Variants in ZCWPW2 observed in about 807,000 individuals in gnomAD.
ZCWPW2 encodes zinc finger CW-type and PWWP domain containing 2, also known as zinc finger CW-type PWWP domain protein 2.
ZCWPW2 carries 45 observed loss-of-function variants against 46.6 expected under a neutral mutation model. The observed-to-expected ratio is 0.96, with a 90% CI of 0.76 to 1.24. ZCWPW2 has a LOEUF of 1.24. Ranked by LOEUF, ZCWPW2 falls within the 50% of genes most tolerant of loss-of-function variation. The pLI is 0.00. For missense variants in ZCWPW2, 429 were observed against 403.9 expected, an observed-to-expected ratio of 1.06 and a Z score of -0.53; for synonymous variants, 152 against 137.1, an observed-to-expected ratio of 1.11 and a Z score of -0.76.
At position 28,390,587 on chromosome 3, in the gene ZCWPW2, T is replaced by C. The variant is rs1212477344; in HGVS notation, c.-44T>C. The C allele has an allele frequency of 4.1e-6, 4 of 985,246 alleles. No individual in the cohort carries two copies. The highest frequency in any genetic ancestry group is 5.2e-4 in the Middle Eastern group (1 of 1,936). The allele number at this position is 985,246 out of a possible 1,614,324, so 61.0% of individuals were successfully genotyped here. ...TTGGAGTCTATTTTCTTCATGGAATTTTGCTAGGAACAAAAGAAAAGTCTA... is the reference window on the plus strand; with the variant it reads ...TTGGAGTCTATTTTCTTCATGGAATCTTGCTAGGAACAAAAGAAAAGTCTA... On this transcript the variant is annotated 5_prime_UTR_variant, in exon 2 of 10. Coordinates refer to ENST00000383768, the MANE Select transcript of ZCWPW2 (RefSeq NM_001040432.4).
intron 4 of ZCWPW2, among the ~76,000 whole-genome samples, chr3:28,466,275 A>T (rs1443242438): frequency 6.6e-6 from 1 of 152,188 alleles, no homozygotes; most frequent in Admixed American, 6.5e-5. Context: ...TGTACACCAA[A>T]CCCACATAAC....
At chr3:28,357,013 A>G (rs577005565) in intron 1 of ZCWPW2, among the ~76,000 whole-genome samples, 1 of 152,336 alleles carries the variant, frequency 6.6e-6, no homozygotes, top group East Asian at 1.9e-4. Flanking sequence ...TTGAAAAAAA[A>G]GAAAAAAATA....
At chr3:28,474,645 G>A (rs949897274) in intron 4 of ZCWPW2, among the ~76,000 whole-genome samples, 4 of 151,370 alleles carry the variant, frequency 2.6e-5, no homozygotes, top group Middle Eastern at 3.4e-3. Context: ...GCGCACATGC[G>A]CATTTGTGTA....
At chr3:28,379,649 A>G (rs1705610010) in intron 1 of ZCWPW2, among the ~76,000 whole-genome samples, 1 of 152,176 alleles carries the variant, frequency 6.6e-6, no homozygotes, top group South Asian at 2.1e-4. Context: ...AACACCAGTC[A>G]TTATTTGAGC....
intron 4 of ZCWPW2, among the ~76,000 whole-genome samples, chr3:28,464,434 G>A (rs1698748402): frequency 6.6e-6 from 1 of 152,000 alleles, no homozygotes; most frequent in South Asian, 2.1e-4. Flanking sequence ...CTAAAAAAAA[G>A]ACATTGTTCC....
chr3:28,502,904 TTATC>T (rs1366601275), intron 6 of ZCWPW2, among the ~76,000 whole-genome samples: 2 of 152,154 alleles, frequency 1.3e-5, no homozygotes, highest in African/African-American at 4.8e-5. Context: ...AAATTGAGGT[TTATC>T]TATCTGTGAT....
chr3:28,387,018 G>T (rs556268709), intron 1 of ZCWPW2, among the ~76,000 whole-genome samples: 1 of 152,148 alleles, frequency 6.6e-6, no homozygotes, highest in Non-Finnish European at 1.5e-5. Flanking sequence ...GTAGACTACC[G>T]AAGGTCCTGT....
chr3:28,519,519 G>C (rs1045600272), intron 8 of ZCWPW2, among the ~76,000 whole-genome samples: 1 of 152,132 alleles, frequency 6.6e-6, no homozygotes, highest in Non-Finnish European at 1.5e-5. Flanking sequence ...AACCTGCTAT[G>C]ATTTTATTTA....
At chr3:28,522,791 T>C (rs1011602616) in intron 9 of ZCWPW2, among the ~76,000 whole-genome samples, 1 of 152,198 alleles carries the variant, frequency 6.6e-6, no homozygotes, top group Non-Finnish European at 1.5e-5. Context: ...TTGTTTTCTA[T>C]GTATGGGTCT....
chr3:28,406,424 T>C (rs1197439499), intron 2 of ZCWPW2, among the ~76,000 whole-genome samples: 1 of 152,176 alleles, frequency 6.6e-6, no homozygotes, highest in East Asian at 1.9e-4. Flanking sequence ...AGTCATAGCA[T>C]GAGAAAACCA....
intron 3 of ZCWPW2, among the ~76,000 whole-genome samples, chr3:28,433,975 A>G (rs1312766921): frequency 1.4e-5 from 2 of 145,376 alleles, no homozygotes; most frequent in African/African-American, 5.1e-5. Context: ...AGTTTCTCTT[A>G]TAATACCCTT....
At chr3:28,409,800 TAAGTA>T (rs1298435763) in intron 2 of ZCWPW2, among the ~76,000 whole-genome samples, 1 of 151,816 alleles carries the variant, frequency 6.6e-6, no homozygotes, top group Non-Finnish European at 1.5e-5. Context: ...AAGGAGAAAA[TAAGTA>T]AAGAAATAGC....
At chr3:28,485,760 A>G (rs146630681) in intron 5 of ZCWPW2, among the ~76,000 whole-genome samples, 3 of 152,078 alleles carry the variant, frequency 2.0e-5, no homozygotes, top group Non-Finnish European at 4.4e-5. Context: ...TAATTCATCC[A>G]TCTGGGCCAT....
At position 28,525,129 on chromosome 3, in the gene ZCWPW2, A is replaced by T. The variant is rs1336276231; in HGVS notation, c.*441A>T. ...ATCAAACTATTACAAAATAAAAGGA[A>T]ATAATTTTTTAAATAATTGTTTAAT... On this transcript the variant is annotated 3_prime_UTR_variant, in exon 10 of 10. Transcript: ENST00000383768. 1 of 152,204 alleles carries T rather than the reference A, an allele frequency of 6.6e-6. No homozygotes were observed. Among genetic ancestry groups the T allele is most frequent in the Admixed American group, 6.6e-5 (1 of 15,248 alleles). The allele number at this position is 152,204 out of a possible 1,614,324, so 9.4% of individuals were successfully genotyped here. A position where few individuals can be genotyped will look rare whatever the true frequency, so the allele number is the denominator to read the frequency against.
At chr3:28,362,407 ATGGGTAAAG>A (rs985688876) in intron 1 of ZCWPW2, among the ~76,000 whole-genome samples, 1 of 152,200 alleles carries the variant, frequency 6.6e-6, no homozygotes, top group African/African-American at 2.4e-5. Context: ...CCATTAAAAA[ATGGGTAAAG>A]GGCATGAACA....
intron 1 of ZCWPW2, among the ~76,000 whole-genome samples, chr3:28,373,634 C>T (rs1387155259): frequency 6.6e-6 from 1 of 151,972 alleles, no homozygotes; most frequent in Admixed American, 6.6e-5. Flanking sequence ...CACCACTATA[C>T]ATGGCTAATT....
rs778100530 is a variant in ZCWPW2 at position 28,406,812 on chromosome 3, C to CTTTTCTTTT, written c.-13-6230_-13-6222dup. 9.1e-3 allele frequency among the ~76,000 whole-genome samples: 1,332 copies of CTTTTCTTTT among 145,700 alleles called. 8 individuals carry two copies. The highest frequency in any genetic ancestry group is 0.016 in the Non-Finnish European group (1,065 of 66,908). On this transcript the variant is annotated intron_variant, in intron 2 of 9. Coordinates refer to ENST00000383768, the MANE Select transcript of ZCWPW2 (RefSeq NM_001040432.4). Reference sequence around the variant, plus strand: ...TGCATGCATGTTTTCATGGAATTTCCTTTTCTTTTTTTTCTTTTTTTTTTT... The same window carrying CTTTTCTTTT: ...TGCATGCATGTTTTCATGGAATTTCCTTTTCTTTTTTTTCTTTTTTTTCTTTTTTTTTTT...
chr3:28,466,586 G>A (rs1273775424), intron 4 of ZCWPW2, among the ~76,000 whole-genome samples: 2 of 152,092 alleles, frequency 1.3e-5, no homozygotes, highest in African/African-American at 4.8e-5. Flanking sequence ...ATCACCTAAG[G>A]TCAGAAGTTC....
At chr3:28,451,407 G>C (rs1277198375) in intron 4 of ZCWPW2, among the ~76,000 whole-genome samples, 1 of 152,076 alleles carries the variant, frequency 6.6e-6, no homozygotes, top group Non-Finnish European at 1.5e-5. Flanking sequence ...TTTTCTCTTT[G>C]TACACTATGC....
Sources: allele counts gnomAD v4.1 joint callset (sites outside exome capture counted in the v4.1 genomes callset), GRCh38; gene constraint gnomAD v4.1.1; transcripts MANE v1.5; gene names NCBI Gene and HGNC (gene_info 2026-07-23, HGNC 2026-07-21).